Variants in MTA2 observed in about 807,000 individuals in gnomAD.
MTA2 encodes metastasis-associated protein MTA2.
In MTA2, 22 loss-of-function variants were observed where a neutral mutation model predicts 87.1. That is an observed-to-expected ratio of 0.25 (90% CI 0.18 to 0.36). The LOEUF (loss-of-function observed/expected upper bound fraction) is 0.36, where lower values mean the gene tolerates loss of function less well. Ranked by LOEUF, MTA2 falls within the 10% of genes least tolerant of loss-of-function variation. MTA2 has a pLI of 1.00. For missense variants in MTA2, 542 were observed against 853.2 expected (o/e 0.64, Z 4.54); for synonymous variants, 314 against 310.1 (o/e 1.01, Z -0.13).
At chr11:62,598,178 A>C in intron 5 of MTA2, 37 bp from the exon 6 acceptor site, 11 of 1,604,826 alleles carry the variant, frequency 6.9e-6, no homozygotes, top group Non-Finnish European at 9.4e-6. Context: ...CAAGGCAGCA[A>C]TCCACATAGG....
chr11:62,594,105 C>T (rs1027219892), intron 17 of MTA2, 65 bp from the exon 18 acceptor site: 5 of 1,549,820 alleles, frequency 3.2e-6, no homozygotes, highest in Non-Finnish European at 4.4e-6. Flanking sequence ...CCAGGTGAAG[C>T]CCCACACTGC....
In MTA2 at chr11:62,598,368, A is replaced by G. The variant is rs2134325854; in HGVS notation, c.331T>C (p.Leu111=). The G allele has an allele frequency of 2.5e-6, 4 of 1,614,060 alleles. No individual in the cohort carries two copies. The Middle Eastern group carries it at 6.6e-4, about 266-fold the overall frequency. ...HIRGKCSVTL[L]NETDILSQYL... is the part of the protein sequence containing the mutation. Reference sequence around the variant, plus strand: ...TGGCTCAAGATATCTGTCTCATTCAAGAGGGTCACACTGCATTTCCCCCTA... The same window carrying G: ...TGGCTCAAGATATCTGTCTCATTCAGGAGGGTCACACTGCATTTCCCCCTA... The change falls in exon 5 of 18, where the codon TTG becomes CTG. Residue 111 remains leucine, a synonymous_variant. Transcript: ENST00000278823.
Position 62,595,574 on chromosome 11 carries a change from A to G in MTA2, c.1255-82T>C, listed in dbSNP as rs536724687. Reference sequence around the variant, plus strand: ...TTTCTTCCATTCCCTGCAGGGGACAATTTATTCCTGTCTAATCTCTTTACT... The same window carrying G: ...TTTCTTCCATTCCCTGCAGGGGACAGTTTATTCCTGTCTAATCTCTTTACT... On this transcript the variant is annotated intron_variant, in intron 13 of 17. Transcript: ENST00000278823. The surrounding 1 kb of genome is among the most constrained non-coding windows in gnomAD (Gnocchi z 4.9). The G allele has an allele frequency of 1.6e-5, 24 of 1,543,054 alleles. No homozygotes were observed. Among genetic ancestry groups the G allele is most frequent in the Non-Finnish European group, 2.1e-5 (24 of 1,126,998 alleles).
chr11:62,599,636 G>A, intron 3 of MTA2, among the ~76,000 whole-genome samples: 1 of 147,730 alleles, frequency 6.8e-6, no homozygotes, highest in East Asian at 2.0e-4. Flanking sequence ...AGAGAATGAA[G>A]ATAGGGCAAA....
At position 62,597,376 on chromosome 11, in the gene MTA2, G is replaced by A; in HGVS notation, c.633C>T (p.Ser211=). The A allele has an allele frequency of 6.2e-7, 1 of 1,612,502 alleles. No individual in the cohort carries two copies. Among genetic ancestry groups the A allele is most frequent in the African/African-American group, 1.3e-5 (1 of 74,984 alleles). The part of the protein sequence containing the change: ...GTFARALDCS[S]SIRQPSLHMS... ...TGTGCAAGCTTGGCTGCCGAATGGA[G>A]CTGCTACAATCTAGGGCTCTTGCAA... Residue 211 remains serine (S), a synonymous_variant, in exon 8 of 18, where the codon AGC becomes AGT. Coordinates refer to ENST00000278823, the MANE Select transcript of MTA2 (RefSeq NM_004739.4).
chr11:62,594,051 A>T lies in MTA2; in HGVS notation c.1842-11T>A. 6.3e-7 allele frequency: 1 copy of T among 1,581,918 alleles called. No homozygotes were observed. Among genetic ancestry groups the T allele is most frequent in the Non-Finnish European group, 8.6e-7 (1 of 1,165,644 alleles). ...GCCTTCCGTAGGGCCCTGGCCAGAA[A>T]GAGCAAGTGGGAAACAGAAAAGGCT... On this transcript the variant is annotated splice_polypyrimidine_tract_variant and intron_variant, in intron 17 of 17. Transcript: ENST00000278823.
At position 62,593,970 on chromosome 11, in the gene MTA2, C is replaced by A. The variant is rs778907921; in HGVS notation, c.1912G>T (p.Val638Leu). ...AARRPNLPLK[V>L]KPTLIAVRPP... is the part of the protein sequence containing the mutation. ...CGCACTGCAATCAGCGTTGGCTTCA[C>A]CTTCAGGGGCAAGTTGGGTCGGCGA... The change falls in exon 18 of 18, where the codon GTG (valine) becomes TTG (leucine). Residue 638 changes from valine (V) to leucine (L), a missense_variant. Val to Leu is a conservative substitution (Grantham distance 32). Coordinates refer to ENST00000278823, the MANE Select transcript of MTA2 (RefSeq NM_004739.4). 1.2e-6 allele frequency: 2 copies of A among 1,614,050 alleles called. No homozygotes were observed. The highest frequency in any genetic ancestry group is 2.2e-5 in the East Asian group (1 of 44,880).
chr11:62,595,283 G>A lies in MTA2; in HGVS notation c.1464C>T (p.Ala488=). 6.2e-7 allele frequency: 1 copy of A among 1,614,154 alleles called. No individual in the cohort carries two copies. The highest frequency in any genetic ancestry group is 1.1e-5 in the South Asian group (1 of 91,084). Residue 488 remains alanine, a synonymous_variant, in exon 14 of 18, where the codon GCC becomes GCT. Coordinates refer to ENST00000278823, the MANE Select transcript of MTA2 (RefSeq NM_004739.4). This position sits in a 1 kb window ranked among gnomAD's most constrained non-coding sequence, Gnocchi z 4.9. ...AARRPYAPIN[A]NAIKAECSIR... ...CCTTACACTCTGCTTTGATGGCATTGGCATTGATAGGAGCATAAGGCCGTC... is the reference window on the plus strand; with the variant it reads ...CCTTACACTCTGCTTTGATGGCATTAGCATTGATAGGAGCATAAGGCCGTC...
chr11:62,593,995 A>G lies in MTA2; in HGVS notation c.1887T>C (p.Ala629=), dbSNP rs770442942. The change falls in exon 18 of 18, where the codon GCT becomes GCC. Residue 629 remains alanine (A), a synonymous_variant. Coordinates refer to ENST00000278823, the MANE Select transcript of MTA2 (RefSeq NM_004739.4). Reference sequence around the variant, plus strand: ...CCTTCAGGGGCAAGTTGGGTCGGCGAGCAGCTCGCCGCATTTCCAGATGGG... The same window carrying G: ...CCTTCAGGGGCAAGTTGGGTCGGCGGGCAGCTCGCCGCATTTCCAGATGGG... ...ALTHLEMRRA[A]RRPNLPLKVK... 1 of 1,613,326 alleles carries G rather than the reference A, an allele frequency of 6.2e-7. No individual in the cohort carries two copies. The highest frequency in any genetic ancestry group is 2.2e-5 in the East Asian group (1 of 44,880).
At position 62,593,996 on chromosome 11, in the gene MTA2, G is replaced by A; in HGVS notation, c.1886C>T (p.Ala629Val). Residue 629 changes from alanine (A) to valine (V), a missense_variant, in exon 18 of 18, where the codon GCT (alanine) becomes GTT (valine). Coordinates refer to ENST00000278823, the MANE Select transcript of MTA2 (RefSeq NM_004739.4). ...CTTCAGGGGCAAGTTGGGTCGGCGA[G>A]CAGCTCGCCGCATTTCCAGATGGGT... is the stretch of plus-strand genomic sequence containing the variant. ...ALTHLEMRRA[A>V]RRPNLPLKVK... 2 of 1,612,942 alleles carry A rather than the reference G, an allele frequency of 1.2e-6. No homozygotes were observed. The highest frequency in any genetic ancestry group is 1.1e-5 in the South Asian group (1 of 90,966).
chr11:62,601,098 T>G, intron 1 of MTA2: 1 of 501,460 alleles, frequency 2.0e-6, no homozygotes, highest in Non-Finnish European at 3.5e-6. Flanking sequence ...GGCAAAGCCG[T>G]CGCCCCAGCC....
chr11:62,598,663 C>G (rs1179319342), intron 3 of MTA2, 24 bp from the exon 4 acceptor site: 1 of 1,602,008 alleles, frequency 6.2e-7, no homozygotes, highest in Admixed American at 1.7e-5. Flanking sequence ...GAGGAAGAAA[C>G]CAAGTCAGAA....
intron 3 of MTA2, among the ~76,000 whole-genome samples, chr11:62,599,679 C>T (rs1332652369): frequency 7.8e-5 from 7 of 89,994 alleles, no homozygotes; most frequent in Non-Finnish European, 1.2e-4. Flanking sequence ...TGGAGGGGGG[C>T]GGGCGGGGAA....
intron 17 of MTA2, 21 bp from the exon 18 acceptor site, chr11:62,594,061 G>A: frequency 6.3e-7 from 1 of 1,575,508 alleles, no homozygotes; most frequent in Non-Finnish European, 8.6e-7. Context: ...AGAGCAAGTG[G>A]GAAACAGAAA....
rs1253307740 is a variant in MTA2 at position 62,594,016 on chromosome 11, A to G, written c.1866T>C (p.His622=). ...GGCGAGCAGCTCGCCGCATTTCCAG[A>G]TGGGTCAGAGCCTTCCGTAGGGCCC... ...DTRALRKALT[H]LEMRRAARRP... Residue 622 remains histidine (H), a synonymous_variant, in exon 18 of 18, where the codon CAT becomes CAC. Transcript: ENST00000278823. The G allele has an allele frequency of 6.2e-7, 1 of 1,611,018 alleles. No individual in the cohort carries two copies. The highest frequency in any genetic ancestry group is 8.5e-7 in the Non-Finnish European group (1 of 1,178,272).
chr11:62,597,188 A>C, intron 8 of MTA2, 128 bp downstream of exon 8: 1 of 688,752 alleles, frequency 1.5e-6, no homozygotes, highest in Non-Finnish European at 2.4e-6. Flanking sequence ...GACTCCTCTC[A>C]AAACAAAACA....
intron 8 of MTA2, 35 bp downstream of exon 8, chr11:62,597,281 C>T (rs1218547257): frequency 1.3e-6 from 2 of 1,515,264 alleles, no homozygotes; most frequent in South Asian, 1.2e-5. Context: ...CCCAGAAAAC[C>T]CAGCCTGCCC....
At chr11:62,600,310 T>A in intron 2 of MTA2, 51 bp from the exon 3 acceptor site, 1 of 1,503,098 alleles carries the variant, frequency 6.7e-7, no homozygotes, top group Non-Finnish European at 9.3e-7. Context: ...TGGAAATTGA[T>A]CATCTGGGAA....
rs750731865 is a variant in MTA2 at position 62,596,331 on chromosome 11, A to G, written c.964T>C (p.Leu322=). 8.1e-6 allele frequency: 13 copies of G among 1,613,972 alleles called. No individual in the cohort carries two copies. Among genetic ancestry groups the G allele is most frequent in the East Asian group, 2.2e-5 (1 of 44,890 alleles). The change falls in exon 11 of 18, where the codon TTG becomes CTG. Residue 322 remains leucine, a synonymous_variant. Transcript: ENST00000278823. The part of the protein sequence containing the change: ...TTDRYIQQKR[L]KAAEADSKLK... ...TTGCTGTCTGCTTCAGCAGCTTTCA[A>G]CCTTTTCTGTAAGAAGGTAAAAAGA...
Sources: allele counts gnomAD v4.1 joint callset (sites outside exome capture counted in the v4.1 genomes callset), GRCh38; gene constraint gnomAD v4.1.1; non-coding constraint Gnocchi (gnomAD v3.1); transcripts MANE v1.5; gene names NCBI Gene and HGNC (gene_info 2026-07-23, HGNC 2026-07-21).